MYO16: variants seen among roughly 807,000 people sequenced by gnomAD.
The protein encoded by MYO16 is unconventional myosin-XVI.
In MYO16, 94 loss-of-function variants were observed where a neutral mutation model predicts 205.3. The ratio of observed to expected loss-of-function variants is 0.46; its 90% CI spans 0.39 to 0.54. MYO16 has a LOEUF of 0.54. Ranked by LOEUF, MYO16 falls within the 20% of genes least tolerant of loss-of-function variation. MYO16 has a pLI of 0.00. For synonymous variants in MYO16, 988 were observed against 954.0 expected (o/e 1.04, Z -0.66); for missense variants, 2,315 against 2,387.5 (o/e 0.97, Z 0.63).
chr13:108,962,047 T>G (rs1401593045), intron 18 of MYO16, among the ~76,000 whole-genome samples: 2 of 152,218 alleles, frequency 1.3e-5, no homozygotes, highest in Non-Finnish European at 2.9e-5. Context: ...CTCTTTGAAG[T>G]TGCCTCGTTA....
At chr13:108,585,696 T>A in the MYO16 span, among the ~76,000 whole-genome samples, 24,711 of 152,186 alleles carry the variant, frequency 0.16, 2,403 homozygotes, top group Non-Finnish European at 0.22. Flanking sequence ...CCTTGTTTCA[T>A]AATGTCATGC....
At chr13:108,518,965 A>C in the MYO16 span, among the ~76,000 whole-genome samples, 3,507 of 152,330 alleles carry the variant, frequency 0.023, 117 homozygotes, top group South Asian at 0.062. Flanking sequence ...AAGGATGCAC[A>C]TAAATTTAGT....
chr13:108,772,680 T>C (rs6492148), intron 4 of MYO16, among the ~76,000 whole-genome samples: 17,626 of 152,228 alleles, frequency 0.12, 1,229 homozygotes, highest in African/African-American at 0.2. Flanking sequence ...CATGTTGATG[T>C]TGAATTTTCT....
At chr13:108,910,807 G>A (rs1429594498) in intron 16 of MYO16, among the ~76,000 whole-genome samples, 1 of 152,078 alleles carries the variant, frequency 6.6e-6, no homozygotes, top group Non-Finnish European at 1.5e-5. Flanking sequence ...AAGAGAAGTT[G>A]GTGGGAAAAG....
intron 2 of MYO16, among the ~76,000 whole-genome samples, chr13:108,677,053 T>A (rs1353192108): frequency 1.3e-5 from 2 of 152,192 alleles, no homozygotes; most frequent in African/African-American, 4.8e-5. Context: ...CAGGATTCCT[T>A]AATTATTCAT....
At chr13:108,932,019 C>G (rs550605020) in intron 16 of MYO16, among the ~76,000 whole-genome samples, 245 of 152,298 alleles carry the variant, frequency 1.6e-3, no homozygotes, top group Non-Finnish European at 2.7e-3. Flanking sequence ...CTGTATCACT[C>G]TGTGCTTCAT....
chr13:108,879,674 C>A (rs1421759117), intron 12 of MYO16, among the ~76,000 whole-genome samples: 3 of 152,164 alleles, frequency 2.0e-5, no homozygotes, highest in Non-Finnish European at 4.4e-5. Context: ...ATCTATGTCC[C>A]TACAAAGGAC....
chr13:108,555,757 C>T, the MYO16 span, among the ~76,000 whole-genome samples: 1 of 152,168 alleles, frequency 6.6e-6, no homozygotes, highest in East Asian at 1.9e-4. Flanking sequence ...CTCCTCCTCC[C>T]CTTACCACAC....
chr13:108,965,224 A>G (rs754396263), intron 20 of MYO16, among the ~76,000 whole-genome samples: 1 of 152,170 alleles, frequency 6.6e-6, no homozygotes, highest in Non-Finnish European at 1.5e-5. Flanking sequence ...TAAATCCAGG[A>G]AGAAGACACT....
intron 20 of MYO16, among the ~76,000 whole-genome samples, chr13:108,979,244 T>A (rs79424091): frequency 4.6e-5 from 7 of 151,384 alleles, no homozygotes; most frequent in Non-Finnish European, 1.0e-4. Flanking sequence ...TTTTGGGTGA[T>A]TTTTTTTTCC....
At chr13:109,180,780 A>G (rs1328433535) in intron 34 of MYO16, among the ~76,000 whole-genome samples, 1 of 152,228 alleles carries the variant, frequency 6.6e-6, no homozygotes, top group Non-Finnish European at 1.5e-5. Context: ...TGGTTGCAAT[A>G]ATAGATTGTC....
chr13:108,570,769 T>C, the MYO16 span, among the ~76,000 whole-genome samples: 2 of 152,238 alleles, frequency 1.3e-5, no homozygotes, highest in South Asian at 2.1e-4. Context: ...TACATTGAGA[T>C]TGAGCAAATC....
At chr13:108,573,345 T>C in the MYO16 span, among the ~76,000 whole-genome samples, 2 of 152,224 alleles carry the variant, frequency 1.3e-5, no homozygotes. Flanking sequence ...CTTTAGAAGT[T>C]GGAATATAAT....
chr13:108,605,458 G>A (rs945884924), intron 1 of MYO16, among the ~76,000 whole-genome samples: 1 of 152,088 alleles, frequency 6.6e-6, no homozygotes, highest in Non-Finnish European at 1.5e-5. Flanking sequence ...CCACATGTTG[G>A]GTGAGGGTCC....
intron 14 of MYO16, among the ~76,000 whole-genome samples, chr13:108,891,416 C>T (rs1449879084): frequency 6.6e-6 from 1 of 152,006 alleles, no homozygotes; most frequent in African/African-American, 2.4e-5. Flanking sequence ...CAAGAGACCA[C>T]TAAATGCATA....
At chr13:109,026,313 T>C (rs183254848) in intron 23 of MYO16, among the ~76,000 whole-genome samples, 63 of 152,214 alleles carry the variant, frequency 4.1e-4, no homozygotes, top group Admixed American at 1.7e-3. Flanking sequence ...GTCCAAAACC[T>C]ACTCTAAAAG....
Position 109,025,473 on chromosome 13 carries a change from C to T in MYO16, c.2796+5562C>T, listed in dbSNP as rs1257203610. On this transcript the variant is annotated intron_variant, in intron 23 of 34. Coordinates refer to ENST00000457511, the MANE Select transcript of MYO16 (RefSeq NM_001198950.3). ...TATTTTAAAGTAAATGGGAAGAGGCCGTACATGAAATATTAACACAGTCTC... is the reference window on the plus strand; with the variant it reads ...TATTTTAAAGTAAATGGGAAGAGGCTGTACATGAAATATTAACACAGTCTC... Among the ~76,000 whole-genome samples the T allele has an allele frequency of 4.6e-5, 7 of 151,996 alleles. No individual in the cohort carries two copies. The South Asian group carries it at 1.0e-3, about 23-fold the overall frequency.
At chr13:108,876,661 T>G (rs1566384447) in intron 12 of MYO16, among the ~76,000 whole-genome samples, 3 of 122,154 alleles carry the variant, frequency 2.5e-5, no homozygotes, top group African/African-American at 9.1e-5. Context: ...AGTAACTATA[T>G]TCTCTCTCTT....
chr13:109,158,729 T>A (rs948288408), intron 32 of MYO16, among the ~76,000 whole-genome samples: 9 of 152,042 alleles, frequency 5.9e-5, no homozygotes, highest in Admixed American at 1.3e-4. Context: ...TGAGCTTTTT[T>A]AAAAAAATAA....
Sources: gnomAD v4.1 joint callset for allele counts (sites outside exome capture counted in the v4.1 genomes callset) on GRCh38, gnomAD v4.1.1 for gene constraint, MANE v1.5 for transcripts, NCBI Gene and HGNC (gene_info 2026-07-23, HGNC 2026-07-21) for gene names.